The following SGMS1 variants were observed in gnomAD, a reference collection of about 807,000 sequenced individuals.
SGMS1 encodes sphingomyelin synthase 1.
A neutral mutation model predicts 46.2 loss-of-function variants in SGMS1; 13 were observed. That is an observed-to-expected ratio of 0.28 (90% CI 0.18 to 0.45). The LOEUF (loss-of-function observed/expected upper bound fraction) is 0.45. Among genes scored for constraint, SGMS1 ranks in the 20% least tolerant of loss-of-function variants. SGMS1 has a pLI of 1.00. For missense variants in SGMS1, 324 were observed against 519.9 expected (o/e 0.62, Z 3.66); for synonymous variants, 203 against 187.8 (o/e 1.08, Z -0.66).
At chr10:50,400,898 G>C (rs112796021) in intron 6 of SGMS1, among the ~76,000 whole-genome samples, 1 of 152,130 alleles carries the variant, frequency 6.6e-6, no homozygotes, top group Non-Finnish European at 1.5e-5. Flanking sequence ...AGGCCGGAGG[G>C]TTCCTGGGCA....
chr10:50,320,856 C>A (rs1168060557), intron 8 of SGMS1, among the ~76,000 whole-genome samples: 6 of 152,224 alleles, frequency 3.9e-5, no homozygotes, highest in Non-Finnish European at 7.3e-5. Flanking sequence ...AGCAGAGGTG[C>A]CTCCGGTGTC....
At chr10:50,350,545 CGTT>C (rs1017356038) in intron 6 of SGMS1, among the ~76,000 whole-genome samples, 4 of 152,084 alleles carry the variant, frequency 2.6e-5, no homozygotes, top group Admixed American at 6.6e-5. Flanking sequence ...AGGAGGAAAA[CGTT>C]GTTTCATGGG....
intron 6 of SGMS1, among the ~76,000 whole-genome samples, chr10:50,398,157 T>C (rs1047415567): frequency 1.3e-5 from 2 of 152,154 alleles, no homozygotes; most frequent in African/African-American, 4.8e-5. Context: ...CTCTCGGAGC[T>C]TCTTAAAAAG....
intron 4 of SGMS1, among the ~76,000 whole-genome samples, chr10:50,462,075 A>G (rs1484737155): frequency 6.6e-6 from 1 of 151,746 alleles, no homozygotes. Flanking sequence ...TAGCCTAGGC[A>G]ACAAAACGAG....
At chr10:50,332,267 G>T (rs184392983) in intron 7 of SGMS1, among the ~76,000 whole-genome samples, 220 of 152,140 alleles carry the variant, frequency 1.4e-3, no homozygotes, top group African/African-American at 4.9e-3. Context: ...CCTTGAGTAG[G>T]ATCTCTGAGC....
intron 2 of SGMS1, among the ~76,000 whole-genome samples, chr10:50,565,739 T>G (rs1838282621): frequency 6.6e-6 from 1 of 152,114 alleles, no homozygotes; most frequent in Admixed American, 6.5e-5. Context: ...AGGGTCTGAG[T>G]TGCCTACGTT....
chr10:50,600,670 C>T (rs1838641505), intron 1 of SGMS1, among the ~76,000 whole-genome samples: 1 of 152,218 alleles, frequency 6.6e-6, no homozygotes, highest in African/African-American at 2.4e-5. Flanking sequence ...AGCTTCAGTC[C>T]TCCTGGCTGG....
At chr10:50,540,338 A>G (rs537040845) in intron 2 of SGMS1, among the ~76,000 whole-genome samples, 2 of 152,216 alleles carry the variant, frequency 1.3e-5, no homozygotes, top group African/African-American at 4.8e-5. Flanking sequence ...GGCAGGTAAA[A>G]AAAAATGGTG....
intron 3 of SGMS1, among the ~76,000 whole-genome samples, chr10:50,500,946 C>G (rs1427712585): frequency 6.6e-6 from 1 of 152,106 alleles, no homozygotes; most frequent in Non-Finnish European, 1.5e-5. Flanking sequence ...TTAAATATTT[C>G]TATGGTAGTT....
At chr10:50,508,028 T>TACCC (rs1455715488) in intron 3 of SGMS1, among the ~76,000 whole-genome samples, 1 of 152,138 alleles carries the variant, frequency 6.6e-6, no homozygotes, top group Non-Finnish European at 1.5e-5. Context: ...GCTAAAGATG[T>TACCC]ACCCACTCCC....
chr10:50,311,124 G>A (rs1403231922), intron 9 of SGMS1, 138 bp downstream of exon 9: 4 of 968,924 alleles, frequency 4.1e-6, no homozygotes, highest in Admixed American at 4.7e-5. Flanking sequence ...GTTGCATGGC[G>A]ATGAGATGAA....
chr10:50,623,832 G>A lies in SGMS1; in HGVS notation c.-809C>T. On this transcript the variant is annotated 5_prime_UTR_variant, in exon 1 of 11. Coordinates refer to ENST00000361781, the MANE Select transcript of SGMS1 (RefSeq NM_147156.4). The stretch of plus-strand genomic sequence containing the variant: ...GCGCTCTCCGACCGGCTCCCTAGGC[G>A]CGAGGGGAGAGCAGTCAGCCCAGGC... The A allele has an allele frequency of 1.0e-6, 1 of 985,474 alleles. No homozygotes were observed. The highest frequency in any genetic ancestry group is 1.7e-5 in the African/African-American group (1 of 57,334). The allele number at this position is 985,474 out of a possible 1,614,324, so 61.0% of individuals were successfully genotyped here.
chr10:50,417,780 C>T (rs893026353), intron 6 of SGMS1, among the ~76,000 whole-genome samples: 10 of 152,148 alleles, frequency 6.6e-5, no homozygotes, highest in Non-Finnish European at 8.8e-5. Context: ...AAACCACCCC[C>T]TACCCTTGGT....
intron 5 of SGMS1, among the ~76,000 whole-genome samples, chr10:50,457,462 G>A (rs899017719): frequency 6.6e-6 from 1 of 151,962 alleles, no homozygotes; most frequent in African/African-American, 2.4e-5. Flanking sequence ...TATATGTGCA[G>A]GTTTGTTACA....
At chr10:50,506,123 C>T (rs1224568808) in intron 3 of SGMS1, among the ~76,000 whole-genome samples, 1 of 152,276 alleles carries the variant, frequency 6.6e-6, no homozygotes, top group South Asian at 2.1e-4. Context: ...AAGTCATTCC[C>T]CCAGAGTGAA....
chr10:50,447,238 AT>A (rs1461748009), intron 5 of SGMS1, among the ~76,000 whole-genome samples: 1 of 152,228 alleles, frequency 6.6e-6, no homozygotes, highest in African/African-American at 2.4e-5. Context: ...TGTCTTATTC[AT>A]TCTAAAATAC....
At chr10:50,582,696 C>T (rs991183709) in intron 2 of SGMS1, among the ~76,000 whole-genome samples, 2 of 152,158 alleles carry the variant, frequency 1.3e-5, no homozygotes, top group African/African-American at 4.8e-5. Flanking sequence ...CTGGGGGCAC[C>T]GTTCATGTGG....
chr10:50,350,343 T>C (rs181092828), intron 6 of SGMS1, among the ~76,000 whole-genome samples: 2 of 152,202 alleles, frequency 1.3e-5, no homozygotes, highest in African/African-American at 4.8e-5. Context: ...AAGCATTCAG[T>C]TTGATAAGGG....
chr10:50,615,420 CAAT>C (rs1838787459), intron 1 of SGMS1, among the ~76,000 whole-genome samples: 2 of 152,220 alleles, frequency 1.3e-5, no homozygotes, highest in Admixed American at 6.5e-5. Flanking sequence ...ATAGTCCCCA[CAAT>C]AACCCTGTAA....
Sources: gnomAD v4.1 joint callset for allele counts (sites outside exome capture counted in the v4.1 genomes callset) on GRCh38, gnomAD v4.1.1 for gene constraint, MANE v1.5 for transcripts, NCBI Gene and HGNC (gene_info 2026-07-23, HGNC 2026-07-21) for gene names.